The following CLEC4G variants were observed in gnomAD, a reference collection of about 807,000 sequenced individuals.
CLEC4G encodes C-type lectin domain family 4 member G.
A neutral mutation model predicts 37.0 loss-of-function variants in CLEC4G; 34 were observed. The observed-to-expected ratio is 0.92, with a 90% CI of 0.70 to 1.22. The LOEUF (loss-of-function observed/expected upper bound fraction) is 1.22, where lower values mean the gene tolerates loss of function less well. Among genes scored for constraint, CLEC4G ranks in the 50% most tolerant of loss-of-function variants. The pLI is 0.00. For missense variants in CLEC4G, 390 were observed against 392.9 expected, an observed-to-expected ratio of 0.99 and a Z score of 0.06; for synonymous variants, 167 against 165.6, an observed-to-expected ratio of 1.01 and a Z score of -0.06.
Position 7,731,302 on chromosome 19 carries a change from C to A in CLEC4G, c.184G>T (p.Ala62Ser). The A allele has an allele frequency of 6.3e-7, 1 of 1,580,204 alleles. No individual in the cohort carries two copies. Among genetic ancestry groups the A allele is most frequent in the Non-Finnish European group, 8.6e-7 (1 of 1,167,794 alleles). ...AGCAGGTCGTGGCCGTCAAGCAGCGCCGCGCGCTCCGTGGAGGCTGAGGAG... is the reference window on the plus strand; with the variant it reads ...AGCAGGTCGTGGCCGTCAAGCAGCGACGCGCGCTCCGTGGAGGCTGAGGAG... ...LLSKASTERAALLDGHDLLRT... is the reference protein window; with the variant it reads ...LLSKASTERASLLDGHDLLRT... Residue 62 changes from alanine (A) to serine (S), a missense_variant, in exon 3 of 9, where the codon GCG (alanine) becomes TCG (serine). Ala to Ser is a moderately conservative substitution (Grantham distance 99). Coordinates refer to ENST00000328853, the MANE Select transcript of CLEC4G (RefSeq NM_198492.4).
chr19:7,731,172 T>C, intron 3 of CLEC4G, 84 bp from the exon 4 acceptor site: 1 of 1,585,258 alleles, frequency 6.3e-7, no homozygotes, highest in Non-Finnish European at 8.6e-7. Context: ...TCAGGGACCA[T>C]AGGGCCCCCA....
rs1384826922 is a variant in CLEC4G at position 7,729,195 on chromosome 19, C to T, written c.*171G>A. On this transcript the variant is annotated 3_prime_UTR_variant, in exon 9 of 9. Transcript: ENST00000328853. Reference sequence around the variant, plus strand: ...TGAGGTCGGCATGGAGGTCCCAGAGCCCAGGCACTGGGCTGGACAGGGCTA... The same window carrying T: ...TGAGGTCGGCATGGAGGTCCCAGAGTCCAGGCACTGGGCTGGACAGGGCTA... 7.1e-6 allele frequency: 5 copies of T among 699,502 alleles called. No homozygotes were observed. Among genetic ancestry groups the T allele is most frequent in the South Asian group, 6.0e-5 (4 of 66,958 alleles). The allele number at this position is 699,502 out of a possible 1,614,324, so 43.3% of individuals were successfully genotyped here.
Position 7,732,053 on chromosome 19 carries a change from G to A in CLEC4G, c.50C>T (p.Pro17Leu), listed in dbSNP as rs763076255. 6.2e-7 allele frequency: 1 copy of A among 1,605,334 alleles called. No homozygotes were observed. The highest frequency in any genetic ancestry group is 8.5e-7 in the Non-Finnish European group (1 of 1,172,050). The change falls in exon 1 of 9, where the codon CCC (proline) becomes CTC (leucine). Residue 17 changes from proline to leucine, a missense_variant. Physicochemically the swap from Pro to Leu is moderately conservative, Grantham distance 98. Coordinates refer to ENST00000328853, the MANE Select transcript of CLEC4G (RefSeq NM_198492.4). ...GGCAGTCTCCTTGCTCATACCTCCG[G>A]GGACCTCCTCGGAGCTGCCGCCCCA... is the stretch of plus-strand genomic sequence containing the variant. ...SKWGGSSEEV[P>L]GGPWGRWVHW...
rs2033389230 is a variant in CLEC4G, at chr19:7,729,256, G to A, written c.*110C>T. On this transcript the variant is annotated 3_prime_UTR_variant, in exon 9 of 9. Coordinates refer to ENST00000328853, the MANE Select transcript of CLEC4G (RefSeq NM_198492.4). Reference sequence around the variant, plus strand: ...AGTGTTTCTGAGACTCAGCAGCGGTGGATGAGGAAGAAAAAACTCTTTGGC... The same window carrying A: ...AGTGTTTCTGAGACTCAGCAGCGGTAGATGAGGAAGAAAAAACTCTTTGGC... 1.3e-6 allele frequency: 1 copy of A among 778,986 alleles called. No individual in the cohort carries two copies. The highest frequency in any genetic ancestry group is 2.3e-6 in the Non-Finnish European group (1 of 437,892). The allele number at this position is 778,986 out of a possible 1,614,324, so 48.3% of individuals were successfully genotyped here.
In CLEC4G at chr19:7,731,284, C is replaced by T. The variant is rs199615445; in HGVS notation, c.202G>A (p.Asp68Asn). ...CACACACCGTTTGTCCTCAGCAGGT[C>T]GTGGCCGTCAAGCAGCGCCGCGCGC... Reference protein sequence around the residue: ...TERAALLDGHDLLRTNASKQT... With the variant: ...TERAALLDGHNLLRTNASKQT... Residue 68 changes from aspartate to asparagine, a missense_variant, in exon 3 of 9, where the codon GAC (aspartate) becomes AAC (asparagine). Physicochemically the swap from Asp to Asn is conservative, Grantham distance 23 (BLOSUM62 1). Transcript: ENST00000328853. The T allele has an allele frequency of 1.5e-4, 240 of 1,591,160 alleles. No individual in the cohort carries two copies. The African/African-American group carries it at 2.9e-3, about 19-fold the overall frequency.
Position 7,730,841 on chromosome 19 carries a change from T to A in CLEC4G, c.302A>T (p.Gln101Leu), listed in dbSNP as rs36064197. 14,553 of 1,530,460 alleles carry A rather than the reference T, an allele frequency of 9.5e-3. 91 individuals are homozygous for A. The highest frequency in any genetic ancestry group is 0.029 in the South Asian group (2,416 of 83,668). The allele number at this position is 1,530,460 out of a possible 1,614,324, so 94.8% of individuals were successfully genotyped here. Residue 101 changes from glutamine to leucine, a missense_variant, in exon 5 of 9, where the codon CAG becomes CTG. Physicochemically the swap from Gln to Leu is moderately radical, Grantham distance 113. Transcript: ENST00000328853. The surrounding 1 kb of genome is among the most constrained non-coding windows in gnomAD (Gnocchi z 7.3). ...CHSCCSGTQA[Q>L]LQTTRAELGE... ...AAGCTCCGCGCGCGTGGTCTGCAGC[T>A]GCGCCTGCGTCCCCGAGCCTGGGAG...
At position 7,729,870 on chromosome 19, in the gene CLEC4G, C is replaced by T. The variant is rs750090061; in HGVS notation, c.694G>A (p.Gly232Ser). ...ACCCACTGGTAGCCCTGAACCTTGCCCAGATGGCGCACAGCCCTCAGGCCC... is the reference window on the plus strand; with the variant it reads ...ACCCACTGGTAGCCCTGAACCTTGCTCAGATGGCGCACAGCCCTCAGGCCC... ...WLGLRAVRHL[G>S]KVQGYQWVDG... The change falls in exon 8 of 9, where the codon GGC becomes AGC. Residue 232 changes from glycine (G) to serine (S), a missense_variant. By Grantham distance (56) the Gly-to-Ser change is moderately conservative (BLOSUM62 0). Transcript: ENST00000328853. The T allele has an allele frequency of 1.9e-6, 3 of 1,614,168 alleles. No homozygotes were observed. Among genetic ancestry groups the T allele is most frequent in the Non-Finnish European group, 2.5e-6 (3 of 1,180,030 alleles).
In CLEC4G at chr19:7,730,921, G is replaced by GCCCCA; in HGVS notation, c.284-63_284-62insTGGGG. On this transcript the variant is annotated intron_variant, in intron 4 of 8. Transcript: ENST00000328853. This position sits in a 1 kb window ranked among gnomAD's most constrained non-coding sequence, Gnocchi z 7.3. ...GGATGGGGCGGGACTTCGGAGACCA[G>GCCCCA]CCCCCGCCCCGCACCACCCGCCGCA... The GCCCCA allele has an allele frequency of 6.7e-7, 1 of 1,497,772 alleles. No individual in the cohort carries two copies. Among genetic ancestry groups the GCCCCA allele is most frequent in the Non-Finnish European group, 8.9e-7 (1 of 1,129,152 alleles). The allele number at this position is 1,497,772 out of a possible 1,614,324, so 92.8% of individuals were successfully genotyped here. A position where few individuals can be genotyped will look rare whatever the true frequency, so the allele number is the denominator to read the frequency against.
rs571905922 is a variant in CLEC4G at position 7,731,817 on chromosome 19, T to C, written c.56-46A>G. The C allele has an allele frequency of 4.4e-6, 7 of 1,586,452 alleles. No homozygotes were observed. The South Asian group carries it at 6.8e-5, about 15-fold the overall frequency. On this transcript the variant is annotated intron_variant, in intron 1 of 8. Coordinates refer to ENST00000328853, the MANE Select transcript of CLEC4G (RefSeq NM_198492.4). ...TGCTGGGTCCCCCAGAACTGAGCCC[T>C]GGAGGCCTGAGTTACTCCCAGGAAA...
In CLEC4G at chr19:7,729,325, G is replaced by C. The variant is rs768143311; in HGVS notation, c.*41C>G. The C allele has an allele frequency of 7.0e-7, 1 of 1,423,082 alleles. No homozygotes were observed. Among genetic ancestry groups the C allele is most frequent in the Non-Finnish European group, 9.9e-7 (1 of 1,010,604 alleles). The allele number at this position is 1,423,082 out of a possible 1,614,324, so 88.2% of individuals were successfully genotyped here. On this transcript the variant is annotated 3_prime_UTR_variant, in exon 9 of 9. Transcript: ENST00000328853. The stretch of plus-strand genomic sequence containing the variant: ...GGGAGGTGAGCAGCCCCCAGGATAC[G>C]ACATGCTGCAATGGGCGCGGCTCCA...
At position 7,729,280 on chromosome 19, in the gene CLEC4G, G is replaced by T. The variant is rs773194919; in HGVS notation, c.*86C>A. The T allele has an allele frequency of 2.2e-6, 2 of 891,950 alleles. No homozygotes were observed. Among genetic ancestry groups the T allele is most frequent in the Non-Finnish European group, 3.8e-6 (2 of 532,632 alleles). 55.3% of individuals were successfully genotyped at this position (891,950 alleles called of 1,614,324 possible). A position where few individuals can be genotyped will look rare whatever the true frequency, so the allele number is the denominator to read the frequency against. The stretch of plus-strand genomic sequence containing the variant: ...TGGATGAGGAAGAAAAAACTCTTTG[G>T]CAATCAGCTCCAGGAGCCAGGGAGG... On this transcript the variant is annotated 3_prime_UTR_variant, in exon 9 of 9. Transcript: ENST00000328853.
chr19:7,730,631 G>A lies in CLEC4G; in HGVS notation c.388+124C>T. ...GCCGGCGCTAGGAGTGGCAGTCAAG[G>A]TCAGAGTGCAGCGTCAGGGTCAGGA... is the stretch of plus-strand genomic sequence containing the variant. On this transcript the variant is annotated intron_variant, in intron 5 of 8. Coordinates refer to ENST00000328853, the MANE Select transcript of CLEC4G (RefSeq NM_198492.4). This position sits in a 1 kb window ranked among gnomAD's most constrained non-coding sequence, Gnocchi z 7.3. 2.1e-6 allele frequency: 3 copies of A among 1,453,084 alleles called. No homozygotes were observed. The highest frequency in any genetic ancestry group is 2.7e-6 in the Non-Finnish European group (3 of 1,103,972). The allele number at this position is 1,453,084 out of a possible 1,614,324, so 90.0% of individuals were successfully genotyped here. A position where few individuals can be genotyped will look rare whatever the true frequency, so the allele number is the denominator to read the frequency against.
Position 7,730,438 on chromosome 19 carries a change from T to TCAC in CLEC4G, c.389-1_390dup (p.Val130dup). The TCAC allele has an allele frequency of 1.9e-6, 3 of 1,600,886 alleles. No homozygotes were observed. The highest frequency in any genetic ancestry group is 2.5e-6 in the Non-Finnish European group (3 of 1,179,824). On this transcript the variant is annotated inframe_insertion and splice_region_variant, in exon 6 of 9. Coordinates refer to ENST00000328853, the MANE Select transcript of CLEC4G (RefSeq NM_198492.4). This position sits in a 1 kb window ranked among gnomAD's most constrained non-coding sequence, Gnocchi z 7.3. ...CTGCCGGCTTCAGCCAAGCCCTGGG[T>TCAC]CACTGCGGGGTCAAGGGAGCGGGGA...
In CLEC4G at chr19:7,730,448, G is replaced by A. The variant is rs1294143246; in HGVS notation, c.389-8C>T. 2 of 1,600,086 alleles carry A rather than the reference G, an allele frequency of 1.2e-6. No homozygotes were observed. Among genetic ancestry groups the A allele is most frequent in the Non-Finnish European group, 1.7e-6 (2 of 1,179,698 alleles). ...CAGCCAAGCCCTGGGTCACTGCGGG[G>A]TCAAGGGAGCGGGGATTATGGCTGG... On this transcript the variant is annotated splice_polypyrimidine_tract_variant and splice_region_variant and intron_variant, in intron 5 of 8. Transcript: ENST00000328853. This position sits in a 1 kb window ranked among gnomAD's most constrained non-coding sequence, Gnocchi z 7.3.
At position 7,729,283 on chromosome 19, in the gene CLEC4G, A is replaced by C. The variant is rs749064108; in HGVS notation, c.*83T>G. The C allele has an allele frequency of 6.5e-6, 6 of 917,210 alleles. No individual in the cohort carries two copies. Among genetic ancestry groups the C allele is most frequent in the Non-Finnish European group, 1.1e-5 (6 of 554,884 alleles). The allele number at this position is 917,210 out of a possible 1,614,324, so 56.8% of individuals were successfully genotyped here. ...ATGAGGAAGAAAAAACTCTTTGGCA[A>C]TCAGCTCCAGGAGCCAGGGAGGTGA... On this transcript the variant is annotated 3_prime_UTR_variant, in exon 9 of 9. Transcript: ENST00000328853.
chr19:7,729,337 TG>T lies in CLEC4G; in HGVS notation c.*28del. 6.6e-7 allele frequency: 1 copy of T among 1,519,130 alleles called. No individual in the cohort carries two copies. The highest frequency in any genetic ancestry group is 9.1e-7 in the Non-Finnish European group (1 of 1,096,864). The allele number at this position is 1,519,130 out of a possible 1,614,324, so 94.1% of individuals were successfully genotyped here. A position where few individuals can be genotyped will look rare whatever the true frequency, so the allele number is the denominator to read the frequency against. On this transcript the variant is annotated 3_prime_UTR_variant, in exon 9 of 9. Transcript: ENST00000328853. ...GCCCCCAGGATACGACATGCTGCAATGGGCGCGGCTCCAGGGCACTGGGCGG... is the reference window on the plus strand; with the variant it reads ...GCCCCCAGGATACGACATGCTGCAATGGCGCGGCTCCAGGGCACTGGGCGG...
chr19:7,731,818 G>T (rs766565468), intron 1 of CLEC4G, 47 bp from the exon 2 acceptor site: 1 of 1,584,828 alleles, frequency 6.3e-7, no homozygotes. Context: ...ACTGAGCCCT[G>T]GAGGCCTGAG....
At chr19:7,729,638 T>C in intron 8 of CLEC4G, 134 bp from the exon 9 acceptor site, 1 of 1,221,622 alleles carries the variant, frequency 8.2e-7, no homozygotes, top group African/African-American at 1.5e-5. Flanking sequence ...CTAACCTGAG[T>C]ATACACCTGG....
chr19:7,729,510 G>T lies in CLEC4G; in HGVS notation c.744-6C>A. 1 of 1,582,794 alleles carries T rather than the reference G, an allele frequency of 6.3e-7. No individual in the cohort carries two copies. The highest frequency in any genetic ancestry group is 8.6e-7 in the Non-Finnish European group (1 of 1,158,812). On this transcript the variant is annotated splice_region_variant and splice_polypyrimidine_tract_variant and intron_variant, in intron 8 of 8. Coordinates refer to ENST00000328853, the MANE Select transcript of CLEC4G (RefSeq NM_198492.4). ...GCTCTCCCTGGTTCCAGTGGCTACA[G>T]GGGGGTTGAGTGGGGGTGTTGCTGG...
Sources: allele counts gnomAD v4.1 joint callset, GRCh38; gene constraint gnomAD v4.1.1; non-coding constraint Gnocchi (gnomAD v3.1); transcripts MANE v1.5; gene names NCBI Gene and HGNC (gene_info 2026-07-23, HGNC 2026-07-21).